The following AP1G1 variants were observed in gnomAD, a reference collection of about 807,000 sequenced individuals.
AP1G1 encodes adaptor related protein complex 1 subunit gamma 1.
A neutral mutation model predicts 108.3 loss-of-function variants in AP1G1; 7 were observed. That is an observed-to-expected ratio of 0.06 (90% confidence interval 0.04 to 0.12). AP1G1 has a LOEUF of 0.12. AP1G1 is among the 10% of genes least tolerant of loss of function. The pLI, the probability that AP1G1 is intolerant of heterozygous loss-of-function variation, is 1.00. For missense variants in AP1G1, 756 were observed against 1,010.7 expected (o/e 0.75, Z 3.42); for synonymous variants, 379 against 353.5 (o/e 1.07, Z -0.81).
chr16:71,736,117 A>AAAAAAAAATAT lies in AP1G1; in HGVS notation c.2269-1411_2269-1410insATATTTTTTTT, dbSNP rs1555550846. Among the ~76,000 whole-genome samples the AAAAAAAAATAT allele has an allele frequency of 2.2e-4, 16 of 71,628 alleles. 1 individual carries two copies. The highest frequency in any genetic ancestry group is 9.5e-4 in the East Asian group (2 of 2,098). 47.0% of individuals were successfully genotyped at this position (71,628 alleles called of 152,430 possible). A position where few individuals can be genotyped will look rare whatever the true frequency, so the allele number is the denominator to read the frequency against. ...CCATCTCAAAAAAAAAAAAAAAAAAAATATATATATATATATATATATATA... is the reference window on the plus strand; with the variant it reads ...CCATCTCAAAAAAAAAAAAAAAAAAAAAAAAAAATATATATATATATATATATATATATATA... On this transcript the variant is annotated intron_variant, in intron 21 of 22. Transcript: ENST00000299980.
intron 1 of AP1G1, among the ~76,000 whole-genome samples, chr16:71,797,309 T>C (rs1335100020): frequency 6.6e-6 from 1 of 152,152 alleles, no homozygotes; most frequent in Non-Finnish European, 1.5e-5. Flanking sequence ...TTTTAACTTC[T>C]ATATATAGTC....
intron 1 of AP1G1, among the ~76,000 whole-genome samples, chr16:71,803,953 TC>T (rs1477324101): frequency 2.0e-5 from 3 of 151,730 alleles, no homozygotes; most frequent in East Asian, 1.9e-4. Flanking sequence ...ACACCTCTTT[TC>T]CCTTTTCTAT....
At chr16:71,788,192 A>G (rs1016037410) in intron 2 of AP1G1, among the ~76,000 whole-genome samples, 3 of 152,206 alleles carry the variant, frequency 2.0e-5, no homozygotes, top group Non-Finnish European at 4.4e-5. Context: ...TTACTGACCT[A>G]AACAGTAAAT....
intron 19 of AP1G1, among the ~76,000 whole-genome samples, chr16:71,742,099 T>A (rs2029896140): frequency 1.3e-5 from 2 of 152,176 alleles, no homozygotes; most frequent in Admixed American, 6.5e-5. Context: ...AAACACATTA[T>A]GAATAAGGCA....
At chr16:71,782,822 TG>T (rs2032074601) in intron 2 of AP1G1, among the ~76,000 whole-genome samples, 1 of 152,160 alleles carries the variant, frequency 6.6e-6, no homozygotes, top group Non-Finnish European at 1.5e-5. Context: ...TTATCTCTTT[TG>T]GGGGTATGAC....
Position 71,765,545 on chromosome 16 carries a change from T to C in AP1G1, c.682A>G (p.Met228Val), listed in dbSNP as rs1446205988. ...TCATGTTCTGGTGAATATCCGGACATGATGAGGTTCTTTAAAATACGAACT... is the reference window on the plus strand; with the variant it reads ...TCATGTTCTGGTGAATATCCGGACACGATGAGGTTCTTTAAAATACGAACT... ...QLVRILKNLI[M>V]SGYSPEHDVS... is the part of the protein sequence containing the mutation. Residue 228 changes from methionine to valine, a missense_variant, in exon 7 of 23, where the codon ATG becomes GTG. By Grantham distance (21) the Met-to-Val change is conservative. This residue lies in a region of AP1G1 where 304 missense variants were observed against 483.6 expected (regional missense o/e 0.63). Transcript: ENST00000299980. 4 of 1,613,596 alleles carry C rather than the reference T, an allele frequency of 2.5e-6. No individual in the cohort carries two copies. The highest frequency in any genetic ancestry group is 3.4e-6 in the Non-Finnish European group (4 of 1,179,714).
intron 21 of AP1G1, among the ~76,000 whole-genome samples, chr16:71,736,117 A>AAAAAAAAAAAAAAAT (rs1555550846): frequency 2.2e-4 from 16 of 71,634 alleles, no homozygotes; most frequent in East Asian, 1.4e-3. Context: ...AAAAAAAAAA[A>AAAAAAAAAAAAAAAT]ATATATATAT....
chr16:71,755,392 G>A (rs1182966053), intron 12 of AP1G1, among the ~76,000 whole-genome samples: 2 of 152,050 alleles, frequency 1.3e-5, no homozygotes, highest in African/African-American at 2.4e-5. Context: ...AGCCGAGACT[G>A]TGCCACTGCA....
intron 2 of AP1G1, among the ~76,000 whole-genome samples, chr16:71,778,119 C>T (rs1405584246): frequency 6.6e-6 from 1 of 152,024 alleles, no homozygotes; most frequent in African/African-American, 2.4e-5. Flanking sequence ...ATAACAACAA[C>T]AAAAAAACCT....
intron 15 of AP1G1, among the ~76,000 whole-genome samples, chr16:71,749,010 C>T (rs1319445980): frequency 6.6e-6 from 1 of 152,034 alleles, no homozygotes; most frequent in Non-Finnish European, 1.5e-5. Flanking sequence ...GGGTTCACGC[C>T]ATTCTCCTGC....
chr16:71,766,302 T>C, intron 6 of AP1G1: 1 of 245,500 alleles, frequency 4.1e-6, no homozygotes, highest in Admixed American at 5.1e-5. Context: ...TTTTCTTGTC[T>C]TTTCAATGAG....
chr16:71,746,063 G>A (rs1198726837), intron 17 of AP1G1, among the ~76,000 whole-genome samples: 4 of 152,004 alleles, frequency 2.6e-5, no homozygotes, highest in Non-Finnish European at 5.9e-5. Flanking sequence ...AGGCTGGAGT[G>A]CAGTGGCATG....
Position 71,732,000 on chromosome 16 carries a change from G to C in AP1G1, c.*1058C>G, listed in dbSNP as rs963788860. 6.6e-6 allele frequency: 1 copy of C among 152,600 alleles called. No individual in the cohort carries two copies. The highest frequency in any genetic ancestry group is 2.4e-5 in the African/African-American group (1 of 41,446). The allele number at this position is 152,600 out of a possible 1,614,324, so 9.5% of individuals were successfully genotyped here. ...AAGCCAGGCTCAAGAAATAAAAAGG[G>C]AGGTTTGGAGTAATAGATAAGATGA... is the stretch of plus-strand genomic sequence containing the variant. On this transcript the variant is annotated 3_prime_UTR_variant, in exon 23 of 23. Coordinates refer to ENST00000299980, the MANE Select transcript of AP1G1 (RefSeq NM_001128.6).
At chr16:71,770,723 G>A (rs1252958135) in intron 5 of AP1G1, among the ~76,000 whole-genome samples, 1 of 152,118 alleles carries the variant, frequency 6.6e-6, no homozygotes, top group Non-Finnish European at 1.5e-5. Context: ...GCCCACCTTG[G>A]CCTCCCAAAG....
At chr16:71,786,751 A>AAAGT (rs2032218334) in intron 2 of AP1G1, among the ~76,000 whole-genome samples, 2 of 151,814 alleles carry the variant, frequency 1.3e-5, no homozygotes, top group African/African-American at 4.8e-5. Context: ...GAGCCACCGC[A>AAAGT]CCCAGCCCAA....
At chr16:71,762,274 G>A (rs1360236369) in intron 9 of AP1G1, among the ~76,000 whole-genome samples, 1 of 152,038 alleles carries the variant, frequency 6.6e-6, no homozygotes, top group Non-Finnish European at 1.5e-5. Context: ...GATAAAAACT[G>A]AACAATTCCA....
At chr16:71,795,567 G>A (rs2032555854) in intron 1 of AP1G1, among the ~76,000 whole-genome samples, 1 of 152,052 alleles carries the variant, frequency 6.6e-6, no homozygotes, top group African/African-American at 2.4e-5. Flanking sequence ...TTATATTATG[G>A]GCCATACAGA....
At chr16:71,764,903 A>G (rs201901227) in intron 7 of AP1G1, among the ~76,000 whole-genome samples, 177 bp from the exon 8 acceptor site, 2 of 152,246 alleles carry the variant, frequency 1.3e-5, no homozygotes, top group East Asian at 3.8e-4. Context: ...TTATTTAGAG[A>G]AGCTATATAT....
At chr16:71,758,282 C>T (rs1292364256) in intron 11 of AP1G1, 1 of 380,922 alleles carries the variant, frequency 2.6e-6, no homozygotes. Context: ...AATTACTCCA[C>T]TGAGGGAAGA....
Sources: allele counts gnomAD v4.1 joint callset (sites outside exome capture counted in the v4.1 genomes callset), GRCh38; gene constraint gnomAD v4.1.1; regional missense constraint gnomAD v4.1.1; transcripts MANE v1.5; gene names NCBI Gene and HGNC (gene_info 2026-07-23, HGNC 2026-07-21).